SYN3: variants seen among roughly 807,000 people sequenced by gnomAD.
SYN3 encodes the protein synapsin-3.
SYN3 carries 35 observed loss-of-function variants against 65.8 expected under a neutral mutation model. The ratio of observed to expected loss-of-function variants is 0.53; its 90% CI spans 0.41 to 0.70. SYN3 has a LOEUF of 0.70. SYN3 is among the 30% of genes least tolerant of loss of function. The pLI is 0.00. For missense variants in SYN3, 680 were observed against 749.0 expected (o/e 0.91, Z 1.08); for synonymous variants, 270 against 292.9 (o/e 0.92, Z 0.80).
At chr22:32,515,953 C>T (rs913381473) in intron 13 of SYN3, among the ~76,000 whole-genome samples, 7 of 152,102 alleles carry the variant, frequency 4.6e-5, no homozygotes, top group South Asian at 2.1e-4. Context: ...CGCACGCTGC[C>T]GCGCCTGGCT....
intron 3 of SYN3, among the ~76,000 whole-genome samples, chr22:32,968,899 G>A (rs545106507): frequency 6.6e-6 from 1 of 152,366 alleles, no homozygotes; most frequent in South Asian, 2.1e-4. Flanking sequence ...GTACAGAGCA[G>A]GTGCTCGGTG....
At chr22:32,917,486 C>T (rs929487757) in intron 4 of SYN3, among the ~76,000 whole-genome samples, 4 of 152,172 alleles carry the variant, frequency 2.6e-5, no homozygotes, top group African/African-American at 9.7e-5. Flanking sequence ...AATGAGAAGA[C>T]GCCAGGATGC....
At chr22:32,544,207 G>C (rs992961266) in intron 7 of SYN3, among the ~76,000 whole-genome samples, 36 of 152,266 alleles carry the variant, frequency 2.4e-4, no homozygotes, top group Admixed American at 2.1e-3. Context: ...CAAAGTGCTG[G>C]GATTACACAC....
At chr22:32,853,063 A>C (rs58329553) in intron 6 of SYN3, among the ~76,000 whole-genome samples, 4,774 of 152,212 alleles carry the variant, frequency 0.031, 238 homozygotes, top group African/African-American at 0.11. Flanking sequence ...GGCAGAGCAG[A>C]CCTCCAGGGA....
intron 6 of SYN3, among the ~76,000 whole-genome samples, chr22:32,646,375 T>C (rs2059984045): frequency 6.6e-6 from 1 of 152,196 alleles, no homozygotes; most frequent in African/African-American, 2.4e-5. Flanking sequence ...TGCTGGTGCT[T>C]AAAATAGAAA....
chr22:32,940,384 A>G (rs1444404257), intron 3 of SYN3, among the ~76,000 whole-genome samples: 1 of 72,660 alleles, frequency 1.4e-5, no homozygotes, highest in Non-Finnish European at 3.1e-5. Flanking sequence ...AGTACAATTT[A>G]GTATTTTTTT....
intron 1 of SYN3, among the ~76,000 whole-genome samples, chr22:33,034,379 T>A (rs1392500767): frequency 6.6e-6 from 1 of 151,544 alleles, no homozygotes; most frequent in African/African-American, 2.4e-5. Context: ...CCCGAGTAGG[T>A]GGGATTACAG....
intron 2 of SYN3, 114 bp from the exon 3 acceptor site, chr22:32,980,816 T>A: frequency 1.2e-6 from 1 of 851,700 alleles, no homozygotes; most frequent in Non-Finnish European, 1.9e-6. Context: ...TCAGCCATCC[T>A]ACTGTCTCCT....
At chr22:32,650,615 T>C (rs2146947601) in intron 6 of SYN3, among the ~76,000 whole-genome samples, 2 of 152,034 alleles carry the variant, frequency 1.3e-5, no homozygotes, top group East Asian at 3.9e-4. Flanking sequence ...AAGCAGAATA[T>C]GCTCCTACTC....
At chr22:32,619,914 A>G (rs951921669) in intron 6 of SYN3, among the ~76,000 whole-genome samples, 3 of 152,380 alleles carry the variant, frequency 2.0e-5, no homozygotes, top group African/African-American at 7.2e-5. Flanking sequence ...TACTCATCTC[A>G]GATGAGAACA....
intron 3 of SYN3, among the ~76,000 whole-genome samples, chr22:32,945,886 T>C (rs2051093237): frequency 6.6e-6 from 1 of 152,194 alleles, no homozygotes; most frequent in African/African-American, 2.4e-5. Flanking sequence ...GCGAAGGATA[T>C]GAACAAACAC....
At position 32,949,416 on chromosome 22, in the gene SYN3, A is replaced by C. The variant is rs983319504; in HGVS notation, c.370-17935T>G. Among the ~76,000 whole-genome samples, 9 of 143,172 alleles carry C rather than the reference A, an allele frequency of 6.3e-5. No homozygotes were observed. In the East Asian group the frequency reaches 1.8e-3, roughly 29 times the overall value. 93.9% of individuals were successfully genotyped at this position (143,172 alleles called of 152,430 possible). A position where few individuals can be genotyped will look rare whatever the true frequency, so the allele number is the denominator to read the frequency against. ...GGGAGACAGAGCGAGACTCTATGTC[A>C]AAAAAAAAAAAAGTTTTGGGTTTTG... On this transcript the variant is annotated intron_variant, in intron 3 of 13. Coordinates refer to ENST00000358763, the MANE Select transcript of SYN3 (RefSeq NM_003490.4).
intron 6 of SYN3, among the ~76,000 whole-genome samples, chr22:32,612,989 C>G (rs369558648): frequency 1.3e-5 from 2 of 152,026 alleles, no homozygotes; most frequent in South Asian, 2.1e-4. Context: ...GCTGTTCTTG[C>G]GATAGTAAGG....
chr22:32,788,344 A>G (rs1406369454), intron 6 of SYN3, among the ~76,000 whole-genome samples: 1 of 152,168 alleles, frequency 6.6e-6, no homozygotes, highest in East Asian at 1.9e-4. Flanking sequence ...GTTCGAGACC[A>G]GACTGGCCAA....
chr22:32,714,201 A>G (rs2061005501), intron 6 of SYN3, among the ~76,000 whole-genome samples: 1 of 152,170 alleles, frequency 6.6e-6, no homozygotes, highest in African/African-American at 2.4e-5. Context: ...AGGCAGTGAG[A>G]TCTGAAGGCC....
intron 4 of SYN3, among the ~76,000 whole-genome samples, chr22:32,920,881 C>T (rs1052840550): frequency 6.6e-6 from 1 of 152,096 alleles, no homozygotes; most frequent in African/African-American, 2.4e-5. Flanking sequence ...CTCTAGTGCC[C>T]ACTGTGCTTT....
At chr22:32,674,947 C>T (rs2060419816) in intron 6 of SYN3, among the ~76,000 whole-genome samples, 1 of 152,194 alleles carries the variant, frequency 6.6e-6, no homozygotes, top group African/African-American at 2.4e-5. Context: ...TATAGTTGGA[C>T]TCATGCAGAA....
At chr22:32,682,731 G>C (rs1467308926) in intron 6 of SYN3, among the ~76,000 whole-genome samples, 8 of 142,338 alleles carry the variant, frequency 5.6e-5, no homozygotes, top group Non-Finnish European at 1.1e-4. Context: ...AGCGTTTGAC[G>C]AATCAGTATT....
intron 1 of SYN3, among the ~76,000 whole-genome samples, chr22:33,011,738 C>A (rs988584995): frequency 1.3e-5 from 2 of 152,064 alleles, no homozygotes; most frequent in Non-Finnish European, 2.9e-5. Context: ...ATAATGAATT[C>A]AATCTCTTTT....
Sources: gnomAD v4.1 joint callset for allele counts (sites outside exome capture counted in the v4.1 genomes callset) on GRCh38, gnomAD v4.1.1 for gene constraint, MANE v1.5 for transcripts, NCBI Gene and HGNC (gene_info 2026-07-23, HGNC 2026-07-21) for gene names.